PKD1L3: variants seen among roughly 807,000 people sequenced by gnomAD.
The protein encoded by PKD1L3 is polycystin-1-like protein 3.
In PKD1L3, 239 loss-of-function variants were observed where a neutral mutation model predicts 184.1. The observed-to-expected ratio is 1.30, with a 90% CI of 1.17 to 1.45. PKD1L3 has a LOEUF of 1.45. Among genes scored for constraint, PKD1L3 ranks in the 40% most tolerant of loss-of-function variants. PKD1L3 has a pLI of 0.00. For missense variants in PKD1L3, 2,660 were observed against 2,067.2 expected (o/e 1.29, Z -5.56); for synonymous variants, 996 against 778.8 (o/e 1.28, Z -4.64).
intron 21 of PKD1L3, among the ~76,000 whole-genome samples, chr16:71,948,377 C>G (rs900429971): frequency 1.3e-5 from 2 of 152,186 alleles, no homozygotes; most frequent in African/African-American, 4.8e-5. Context: ...GCCCCCACAG[C>G]TGGCCTGGGA....
At chr16:71,968,820 T>A (rs1355174600) in intron 13 of PKD1L3, among the ~76,000 whole-genome samples, 1 of 152,158 alleles carries the variant, frequency 6.6e-6, no homozygotes, top group Non-Finnish European at 1.5e-5. Context: ...GGTCTTGAAC[T>A]CTTGACCTCA....
At chr16:71,937,468 C>G (rs1161818647) in intron 24 of PKD1L3, 49 bp from the exon 25 acceptor site, 3 of 1,530,852 alleles carry the variant, frequency 2.0e-6, no homozygotes, top group African/African-American at 2.8e-5. Context: ...AACTTTTGCC[C>G]TCTTCTTGTT....
At chr16:71,932,320 G>A (rs1026465583) in intron 28 of PKD1L3, among the ~76,000 whole-genome samples, 3 of 152,140 alleles carry the variant, frequency 2.0e-5, no homozygotes, top group African/African-American at 7.2e-5. Flanking sequence ...CCTCATTTGG[G>A]TTTCCTACTT....
chr16:71,958,301 G>A (rs1300307424), intron 16 of PKD1L3, among the ~76,000 whole-genome samples: 1 of 145,388 alleles, frequency 6.9e-6, no homozygotes, highest in African/African-American at 2.5e-5. Flanking sequence ...GCAGGAGAAT[G>A]GCTTGAACCC....
chr16:71,944,668 C>A (rs2038491890), intron 22 of PKD1L3, among the ~76,000 whole-genome samples: 1 of 151,378 alleles, frequency 6.6e-6, no homozygotes, highest in African/African-American at 2.4e-5. Flanking sequence ...TGAGACCAGC[C>A]TGGGCAACAT....
chr16:71,971,120 G>C (rs1040533907), intron 12 of PKD1L3, among the ~76,000 whole-genome samples: 2 of 152,134 alleles, frequency 1.3e-5, no homozygotes, highest in African/African-American at 4.8e-5. Flanking sequence ...CTCAAATTCA[G>C]GCCAGTAGTT....
chr16:71,988,021 G>A (rs2040441299), intron 4 of PKD1L3, among the ~76,000 whole-genome samples: 1 of 152,106 alleles, frequency 6.6e-6, no homozygotes, highest in Non-Finnish European at 1.5e-5. Context: ...GAATGCAGAT[G>A]TTATTTTTAA....
In PKD1L3 at chr16:71,930,169, G is replaced by A. The variant is rs372910718; in HGVS notation, c.4941C>T (p.Asp1647=). Residue 1647 remains aspartate (D), a synonymous_variant, in exon 29 of 30, where the codon GAC becomes GAT. Coordinates refer to ENST00000620267, the MANE Select transcript of PKD1L3 (RefSeq NM_181536.2). ...ISHQEEVFAL[D]PVLGTFLILT... ...GGATCAGAAAGGTGCCCAGGACTGG[G>A]TCTAAAGCGAAAACCTGGGAAAACA... 2 of 1,543,294 alleles carry A rather than the reference G, an allele frequency of 1.3e-6. No homozygotes were observed. Among genetic ancestry groups the A allele is most frequent in the Non-Finnish European group, 1.7e-6 (2 of 1,144,202 alleles).
In PKD1L3 at chr16:71,999,861, A is replaced by T; in HGVS notation, c.118T>A (p.Phe40Ile). 1 of 1,551,764 alleles carries T rather than the reference A, an allele frequency of 6.4e-7. No individual in the cohort carries two copies. Among genetic ancestry groups the T allele is most frequent in the Non-Finnish European group, 8.7e-7 (1 of 1,147,012 alleles). ...GQNNCYQLNR[F>I]QCSFEEAQHY... is the part of the protein sequence containing the mutation. ...TGTGCTTCCTCAAAGCTGCATTGAA[A>T]TCTGTTAAGCTGGTAACAATTATTT... Residue 40 changes from phenylalanine to isoleucine, a missense_variant, in exon 1 of 30, where the codon TTT becomes ATT. Physicochemically the swap from Phe to Ile is conservative, Grantham distance 21. Coordinates refer to ENST00000620267, the MANE Select transcript of PKD1L3 (RefSeq NM_181536.2).
chr16:71,937,662 A>G (rs1249335983), intron 24 of PKD1L3, among the ~76,000 whole-genome samples: 1 of 152,060 alleles, frequency 6.6e-6, no homozygotes, highest in African/African-American at 2.4e-5. Context: ...TGTTGACCCT[A>G]CCTTGAAGGG....
chr16:71,969,526 G>C (rs1016515443), intron 13 of PKD1L3, among the ~76,000 whole-genome samples: 7 of 145,992 alleles, frequency 4.8e-5, no homozygotes, highest in Non-Finnish European at 7.4e-5. Flanking sequence ...TGGCCAGGCT[G>C]GCCTTGAACT....
In PKD1L3 at chr16:71,950,109, G is replaced by A; in HGVS notation, c.3383+9C>T. ...CAGGGGATAAAGAAGGCTTGGTGTG[G>A]TGCATTACCTGGATGGCTCTTGCTC... On this transcript the variant is annotated intron_variant, in intron 20 of 29. Coordinates refer to ENST00000620267, the MANE Select transcript of PKD1L3 (RefSeq NM_181536.2). 1 of 1,550,872 alleles carries A rather than the reference G, an allele frequency of 6.4e-7. No individual in the cohort carries two copies. Among genetic ancestry groups the A allele is most frequent in the Non-Finnish European group, 8.7e-7 (1 of 1,146,066 alleles).
intron 12 of PKD1L3, among the ~76,000 whole-genome samples, chr16:71,971,832 G>C (rs1329581338): frequency 1.3e-5 from 2 of 152,150 alleles, no homozygotes; most frequent in Non-Finnish European, 2.9e-5. Context: ...TGTAATTCCA[G>C]CACTTTGAGA....
chr16:71,954,747 T>G (rs1243220791), intron 16 of PKD1L3, among the ~76,000 whole-genome samples: 1 of 152,154 alleles, frequency 6.6e-6, no homozygotes, highest in Non-Finnish European at 1.5e-5. Context: ...TTTGCTGGGC[T>G]TAAACACAAA....
intron 27 of PKD1L3, 138 bp downstream of exon 27, chr16:71,933,777 A>T: frequency 1.1e-6 from 1 of 920,620 alleles, no homozygotes; most frequent in Non-Finnish European, 1.7e-6. Flanking sequence ...CATACCAGTT[A>T]AGTGTGGAAC....
rs1422414699 is a variant in PKD1L3, at chr16:71,969,896, C to CT, written c.2162dup (p.Asp722GlyfsTer15). The CT allele has an allele frequency of 2.6e-6, 4 of 1,549,808 alleles. No homozygotes were observed. Among genetic ancestry groups the CT allele is most frequent in the Non-Finnish European group, 3.5e-6 (4 of 1,145,292 alleles). On this transcript the variant is annotated frameshift_variant, in exon 13 of 30. Coordinates refer to ENST00000620267, the MANE Select transcript of PKD1L3 (RefSeq NM_181536.2). LOFTEE classifies it high-confidence loss of function. ...TTACCTTCTGCATATCTGCTTGATC[C>CT]TTTTTCCGAGCCCACACAACTGTGA...
chr16:71,963,530 C>A (rs2143536824), intron 15 of PKD1L3, among the ~76,000 whole-genome samples, 179 bp from the exon 16 acceptor site: 1 of 152,270 alleles, frequency 6.6e-6, no homozygotes, highest in African/African-American at 2.4e-5. Context: ...ACCTACAATC[C>A]CAGCACTGCG....
intron 7 of PKD1L3, 30 bp downstream of exon 7, chr16:71,982,029 G>T (rs1031385137): frequency 1.3e-5 from 20 of 1,517,518 alleles, no homozygotes; most frequent in Non-Finnish European, 1.7e-5. Context: ...CTTCTAAGCA[G>T]ATCTGGCCAC....
intron 12 of PKD1L3, among the ~76,000 whole-genome samples, chr16:71,972,103 C>G (rs567174088): frequency 6.6e-6 from 1 of 152,190 alleles, no homozygotes; most frequent in South Asian, 2.1e-4. Context: ...GTAGTCCTAG[C>G]TACTTGGGAG....
Sources: gnomAD v4.1 joint callset for allele counts (sites outside exome capture counted in the v4.1 genomes callset) on GRCh38, gnomAD v4.1.1 for gene constraint, MANE v1.5 for transcripts, NCBI Gene and HGNC (gene_info 2026-07-23, HGNC 2026-07-21) for gene names.